The following NEBL variants were observed in gnomAD, a reference collection of about 807,000 sequenced individuals.
NEBL encodes LIM and SH3 protein 2.
NEBL carries 122 observed loss-of-function variants against 140.2 expected under a neutral mutation model. That is an observed-to-expected ratio of 0.87 (90% confidence interval 0.75 to 1.01). The LOEUF (loss-of-function observed/expected upper bound fraction) is 1.01, where lower values mean the gene tolerates loss of function less well. Ranked by LOEUF, NEBL falls within the 50% of genes least tolerant of loss-of-function variation. The pLI, the probability that NEBL is intolerant of heterozygous loss-of-function variation, is 0.00. For synonymous variants in NEBL, 436 were observed against 398.9 expected (o/e 1.09, Z -1.11); for missense variants, 1,365 against 1,231.3 (o/e 1.11, Z -1.62).
intron 2 of NEBL, among the ~76,000 whole-genome samples, chr10:21,035,055 G>C (rs1318066799): frequency 6.6e-6 from 1 of 151,958 alleles, no homozygotes; most frequent in Non-Finnish European, 1.5e-5. Context: ...CTGGAGTGCA[G>C]TGGTGCAATC....
chr10:20,875,998 G>C (rs1316403544), intron 5 of NEBL, among the ~76,000 whole-genome samples: 1 of 152,120 alleles, frequency 6.6e-6, no homozygotes, highest in East Asian at 1.9e-4. Flanking sequence ...AGCCCTCCAG[G>C]TATCATCAAA....
intron 18 of NEBL, among the ~76,000 whole-genome samples, chr10:20,823,589 A>G (rs934614707): frequency 6.6e-6 from 1 of 152,108 alleles, no homozygotes; most frequent in Non-Finnish European, 1.5e-5. Flanking sequence ...CAGATGCAGG[A>G]AAAAAACCTT....
intron 3 of NEBL, among the ~76,000 whole-genome samples, chr10:21,221,717 C>T (rs1470899730): frequency 1.3e-5 from 2 of 152,164 alleles, no homozygotes; most frequent in Non-Finnish European, 2.9e-5. Context: ...GTTGGCCAGG[C>T]TGGTCTTGAA....
At chr10:21,181,473 GGA>G (rs1841386742) in intron 3 of NEBL, among the ~76,000 whole-genome samples, 1 of 151,820 alleles carries the variant, frequency 6.6e-6, no homozygotes, top group South Asian at 2.1e-4. Flanking sequence ...CCCATATGCA[GGA>G]ACCCAGGAAA....
intron 1 of NEBL, among the ~76,000 whole-genome samples, chr10:21,285,030 T>C (rs1181315882): frequency 3.9e-5 from 6 of 152,184 alleles, no homozygotes; most frequent in Non-Finnish European, 7.3e-5. Flanking sequence ...CACTGCACTC[T>C]AGCCTGAGTG....
intron 26 of NEBL, among the ~76,000 whole-genome samples, chr10:20,795,340 A>G (rs1467931003): frequency 6.6e-6 from 1 of 152,192 alleles, no homozygotes; most frequent in Non-Finnish European, 1.5e-5. Flanking sequence ...ATTTGTGTGT[A>G]TATGTGTGGT....
intron 12 of NEBL, among the ~76,000 whole-genome samples, chr10:20,843,038 C>T (rs1242097105): frequency 3.3e-5 from 5 of 152,052 alleles, no homozygotes; most frequent in African/African-American, 1.2e-4. Context: ...CCCACCAAAA[C>T]CCGTATGTTG....
At chr10:21,062,565 T>C (rs1244826541) in intron 2 of NEBL, among the ~76,000 whole-genome samples, 4 of 152,206 alleles carry the variant, frequency 2.6e-5, no homozygotes, top group South Asian at 4.2e-4. Context: ...TGTGCACCTG[T>C]GGTCCCAGCT....
At chr10:20,794,845 G>T (rs1836353728) in intron 26 of NEBL, among the ~76,000 whole-genome samples, 2 of 152,156 alleles carry the variant, frequency 1.3e-5, no homozygotes, top group Non-Finnish European at 2.9e-5. Flanking sequence ...GGGATGTTCG[G>T]TTTTTTTCCT....
At chr10:21,146,392 G>A (rs542936235) in intron 2 of NEBL, 1 of 1,609,682 alleles carries the variant, frequency 6.2e-7, no homozygotes, top group Admixed American at 1.7e-5. Context: ...AAAATGACTG[G>A]TTGATTAGTA....
At chr10:21,286,714 G>T (rs1462338031) in intron 1 of NEBL, among the ~76,000 whole-genome samples, 1 of 152,116 alleles carries the variant, frequency 6.6e-6, no homozygotes, top group Non-Finnish European at 1.5e-5. Context: ...GGCACCTGTA[G>T]TCCCAGTTAC....
chr10:21,128,042 T>C (rs1838919599), intron 2 of NEBL, among the ~76,000 whole-genome samples: 1 of 152,188 alleles, frequency 6.6e-6, no homozygotes, highest in African/African-American at 2.4e-5. Context: ...TATTTTGGCA[T>C]CTATATTTTT....
At chr10:21,099,578 C>G (rs1007600670) in intron 2 of NEBL, among the ~76,000 whole-genome samples, 6 of 152,202 alleles carry the variant, frequency 3.9e-5, no homozygotes, top group African/African-American at 1.4e-4. Context: ...AAAAACTCAT[C>G]TGATTCACTT....
intron 1 of NEBL, among the ~76,000 whole-genome samples, chr10:21,283,927 G>T (rs1443716167): frequency 6.6e-6 from 1 of 151,562 alleles, no homozygotes; most frequent in East Asian, 1.9e-4. Flanking sequence ...GTCGGGCATG[G>T]TGGCTCAAGC....
intron 5 of NEBL, among the ~76,000 whole-genome samples, 160 bp downstream of exon 5, chr10:20,880,634 G>A (rs926483591): frequency 1.3e-5 from 2 of 152,196 alleles, no homozygotes; most frequent in Admixed American, 6.5e-5. Context: ...GTTAATGACT[G>A]TGGATAGAAT....
chr10:21,082,383 G>T (rs189412125), intron 2 of NEBL, among the ~76,000 whole-genome samples: 197 of 152,214 alleles, frequency 1.3e-3, no homozygotes, highest in South Asian at 4.4e-3. Flanking sequence ...TTATGTAAGA[G>T]AATGCCTTGT....
At chr10:20,942,382 C>A (rs932037419) in intron 4 of NEBL, among the ~76,000 whole-genome samples, 4 of 152,102 alleles carry the variant, frequency 2.6e-5, no homozygotes, top group Non-Finnish European at 5.9e-5. Flanking sequence ...AACTGGCTAG[C>A]CATATGTACA....
intron 4 of NEBL, among the ~76,000 whole-genome samples, chr10:20,942,593 C>T (rs151295472): frequency 0.014 from 2,172 of 152,102 alleles, 33 homozygotes; most frequent in East Asian, 0.051. Flanking sequence ...GCAAATGGGA[C>T]CTAATTAAAC....
At chr10:21,174,851 G>T (rs1275154066), upstream of NEBL, 1 of 152,242 alleles carries the variant, frequency 6.6e-6, no homozygotes, top group African/African-American at 2.4e-5. Flanking sequence ...TGTCCTTGCA[G>T]AGCGACTGGT....
Sources: gnomAD v4.1 joint callset for allele counts (sites outside exome capture counted in the v4.1 genomes callset) on GRCh38, gnomAD v4.1.1 for gene constraint, MANE v1.5 for transcripts, NCBI Gene and HGNC (gene_info 2026-07-23, HGNC 2026-07-21) for gene names.